DENND1A: variants seen among roughly 807,000 people sequenced by gnomAD.
DENND1A encodes the protein DENN domain-containing protein 1A.
In DENND1A, 51 loss-of-function variants were observed where a neutral mutation model predicts 113.7. The observed-to-expected ratio is 0.45, with a 90% CI of 0.36 to 0.57. The LOEUF is 0.57. Ranked by LOEUF, DENND1A falls within the 20% of genes least tolerant of loss-of-function variation. The pLI, the probability that DENND1A is intolerant of heterozygous loss-of-function variation, is 0.00. For synonymous variants in DENND1A, 565 were observed against 570.8 expected, an observed-to-expected ratio of 0.99 and a Z score of 0.14; for missense variants, 1,258 against 1,395.9, an observed-to-expected ratio of 0.90 and a Z score of 1.57.
intron 2 of DENND1A, among the ~76,000 whole-genome samples, chr9:123,877,273 G>A (rs1000277649): frequency 4.0e-5 from 6 of 151,560 alleles, no homozygotes; most frequent in Admixed American, 6.6e-5. Context: ...GGCGGATAAC[G>A]AGGTCAAGAG....
intron 8 of DENND1A, among the ~76,000 whole-genome samples, chr9:123,653,420 C>A (rs1485698643): frequency 6.6e-6 from 1 of 152,174 alleles, no homozygotes; most frequent in African/African-American, 2.4e-5. Context: ...AAAGTCAGAT[C>A]TGACTCCATG....
intron 1 of DENND1A, chr9:123,928,512 G>A (rs1857485320): frequency 1.0e-6 from 1 of 964,124 alleles, no homozygotes; most frequent in South Asian, 4.8e-5. Flanking sequence ...GCTCTTGTTT[G>A]GAGCATGCTT....
At chr9:123,833,082 G>C (rs1462311902) in intron 2 of DENND1A, among the ~76,000 whole-genome samples, 4 of 128,232 alleles carry the variant, frequency 3.1e-5, no homozygotes, top group East Asian at 4.7e-4. Context: ...CTATGATTGC[G>C]CCACTGCGCT....
chr9:123,751,996 T>A (rs2070088823), intron 5 of DENND1A: 1 of 152,210 alleles, frequency 6.6e-6, no homozygotes, highest in African/African-American at 2.4e-5. Flanking sequence ...CCCCAAAGAT[T>A]GAGCAGTTCC....
rs544614620 is a variant in DENND1A at position 123,536,249 on chromosome 9, C to T, written c.993+21321G>A. ...CTTTGGGAGGCCGAGGCAGGTGGCTCACTTGAGGTCAGGAGTTCAAGACCA... is the reference window on the plus strand; with the variant it reads ...CTTTGGGAGGCCGAGGCAGGTGGCTTACTTGAGGTCAGGAGTTCAAGACCA... On this transcript the variant is annotated intron_variant, in intron 13 of 23. Transcript: ENST00000394215. Among the ~76,000 whole-genome samples, 3 of 152,218 alleles carry T rather than the reference C, an allele frequency of 2.0e-5. No homozygotes were observed. In the East Asian group the frequency reaches 5.8e-4, roughly 29 times the overall value.
At chr9:123,842,837 C>G (rs1554781000) in intron 2 of DENND1A, among the ~76,000 whole-genome samples, 1 of 152,008 alleles carries the variant, frequency 6.6e-6, no homozygotes, top group Non-Finnish European at 1.5e-5. Context: ...CAAAAATACT[C>G]AATATATTAA....
chr9:123,381,451 T>C lies in DENND1A; in HGVS notation c.3194A>G (p.Gln1065Arg), dbSNP rs777992283. The change falls in exon 24 of 24, where the codon CAG becomes CGG. Residue 1065 changes from glutamine to arginine, a missense_variant. Physicochemically the swap from Gln to Arg is conservative, Grantham distance 43. Around this residue, in one of 2 missense-constraint regions of DENND1A, gnomAD observed 1,159 missense variants for 1,231.7 expected, o/e 0.94. Coordinates refer to ENST00000394215, the MANE Select transcript of DENND1A (RefSeq NM_001352964.2). This position sits in a 1 kb window ranked among gnomAD's most constrained non-coding sequence, Gnocchi z 4.7. ...APDSVEQLRK[Q>R]WETFE is the part of the protein sequence containing the mutation. ...CCCGGCTCACTCGAAGGTCTCCCAC[T>C]GCTTCCTGAGCTGCTCCACCGAGTC... 1 of 1,613,280 alleles carries C rather than the reference T, an allele frequency of 6.2e-7. No individual in the cohort carries two copies. Among genetic ancestry groups the C allele is most frequent in the South Asian group, 1.1e-5 (1 of 91,080 alleles).
At chr9:123,708,549 A>G (rs1460304897) in intron 5 of DENND1A, among the ~76,000 whole-genome samples, 2 of 152,288 alleles carry the variant, frequency 1.3e-5, no homozygotes, top group Non-Finnish European at 2.9e-5. Flanking sequence ...TTCAGAGTCT[A>G]AGTATATTCA....
At chr9:123,862,842 G>A (rs967692926) in intron 2 of DENND1A, among the ~76,000 whole-genome samples, 3 of 152,150 alleles carry the variant, frequency 2.0e-5, no homozygotes, top group African/African-American at 7.2e-5. Context: ...TCAGGAGCTA[G>A]TTGATCAAAC....
intron 10 of DENND1A, among the ~76,000 whole-genome samples, chr9:123,623,972 CA>C (rs1483898576): frequency 1.3e-5 from 2 of 152,190 alleles, no homozygotes; most frequent in Non-Finnish European, 1.5e-5. Flanking sequence ...AAACTCCTAG[CA>C]GCATGTACCT....
chr9:123,813,466 A>C (rs1836965191), intron 2 of DENND1A, among the ~76,000 whole-genome samples: 2 of 151,976 alleles, frequency 1.3e-5, no homozygotes, highest in Admixed American at 6.6e-5. Flanking sequence ...CCTGGTGATA[A>C]CCTTTTTATT....
At chr9:123,543,446 T>A (rs2056433262) in intron 13 of DENND1A, among the ~76,000 whole-genome samples, 2 of 152,178 alleles carry the variant, frequency 1.3e-5, no homozygotes, top group Admixed American at 1.3e-4. Flanking sequence ...TATATCAATA[T>A]CTTTGGGTCT....
rs76521454 is a variant in DENND1A at position 123,885,988 on chromosome 9, G to A, written c.18-6967C>T. On this transcript the variant is annotated intron_variant, in intron 1 of 23. Transcript: ENST00000394215. The stretch of plus-strand genomic sequence containing the variant: ...AGATGGGGTTTCACCATGTTGCCCA[G>A]GCTGGTCCTGAACTCTTGACCTCAA... Among the ~76,000 whole-genome samples, 22 of 152,280 alleles carry A rather than the reference G, an allele frequency of 1.4e-4. No individual in the cohort carries two copies. In the East Asian group the frequency reaches 3.5e-3, roughly 24 times the overall value.
chr9:123,656,222 G>T (rs532091182), intron 8 of DENND1A, among the ~76,000 whole-genome samples: 14 of 152,076 alleles, frequency 9.2e-5, no homozygotes, highest in African/African-American at 3.1e-4. Flanking sequence ...GAGCGCACAC[G>T]CAGGGAAGAG....
intron 22 of DENND1A, among the ~76,000 whole-genome samples, chr9:123,385,955 C>T (rs1388168136): frequency 1.3e-5 from 2 of 152,080 alleles, no homozygotes; most frequent in Non-Finnish European, 2.9e-5. Flanking sequence ...TTAGGATGGG[C>T]TAGTTTCTTT....
chr9:123,531,836 TC>T (rs2055349749), intron 13 of DENND1A, among the ~76,000 whole-genome samples: 1 of 151,538 alleles, frequency 6.6e-6, no homozygotes, highest in Admixed American at 6.6e-5. Context: ...AATAAATATG[TC>T]ATTTTACCTT....
intron 1 of DENND1A, among the ~76,000 whole-genome samples, chr9:123,915,333 T>C (rs1026295645): frequency 6.6e-5 from 10 of 152,164 alleles, no homozygotes; most frequent in Non-Finnish European, 1.3e-4. Flanking sequence ...ATTTAAATAT[T>C]CATAATAACA....
intron 5 of DENND1A, among the ~76,000 whole-genome samples, chr9:123,716,313 G>C (rs534395359): frequency 6.6e-6 from 1 of 152,300 alleles, no homozygotes; most frequent in African/African-American, 2.4e-5. Context: ...AAAGAGGAAA[G>C]AACACTTAGG....
At chr9:123,799,934 T>C (rs1564293474) in intron 2 of DENND1A, among the ~76,000 whole-genome samples, 1 of 152,226 alleles carries the variant, frequency 6.6e-6, no homozygotes, top group African/African-American at 2.4e-5. Context: ...AATGGAGAAA[T>C]AAGCAAGCAC....
Sources: gnomAD v4.1 joint callset for allele counts (sites outside exome capture counted in the v4.1 genomes callset) on GRCh38, gnomAD v4.1.1 for gene constraint, gnomAD v4.1.1 regional missense constraint, Gnocchi (gnomAD v3.1) non-coding constraint, MANE v1.5 for transcripts, NCBI Gene and HGNC (gene_info 2026-07-23, HGNC 2026-07-21) for gene names.